The following TMEM163 variants were observed in gnomAD, a reference collection of about 807,000 sequenced individuals.
The protein encoded by TMEM163 is transmembrane protein 163.
Under a neutral mutation model 29.3 loss-of-function variants are expected in TMEM163, and 17 were observed. The ratio of observed to expected loss-of-function variants is 0.58; its 90% CI spans 0.40 to 0.87. The LOEUF (loss-of-function observed/expected upper bound fraction) is 0.87. Among genes scored for constraint, TMEM163 ranks in the 40% least tolerant of loss-of-function variants. TMEM163 has a pLI of 0.00. For synonymous variants in TMEM163, 157 were observed against 160.6 expected (o/e 0.98, Z 0.17); for missense variants, 303 against 381.5 (o/e 0.79, Z 1.71).
At chr2:134,673,398 T>G (rs1455653084) in intron 2 of TMEM163, among the ~76,000 whole-genome samples, 1 of 152,130 alleles carries the variant, frequency 6.6e-6, no homozygotes, top group Non-Finnish European at 1.5e-5. Context: ...TACAACCCCT[T>G]GAAATGCAGA....
At chr2:134,504,832 C>A (rs1176072189) in intron 4 of TMEM163, among the ~76,000 whole-genome samples, 1 of 152,178 alleles carries the variant, frequency 6.6e-6, no homozygotes, top group Admixed American at 6.5e-5. Context: ...GAATCAGGGA[C>A]AGAGGGGGCC....
chr2:134,708,876 C>G (rs1292084086), intron 2 of TMEM163, among the ~76,000 whole-genome samples: 1 of 152,208 alleles, frequency 6.6e-6, no homozygotes, highest in Non-Finnish European at 1.5e-5. Context: ...CATGAGCCAT[C>G]GCTCCCAGCC....
chr2:134,500,468 AG>A (rs1476954718), intron 5 of TMEM163, among the ~76,000 whole-genome samples: 1 of 152,218 alleles, frequency 6.6e-6, no homozygotes, highest in African/African-American at 2.4e-5. Context: ...AAAGCTCCTT[AG>A]TTAACAACTC....
intron 4 of TMEM163, among the ~76,000 whole-genome samples, chr2:134,543,928 G>A (rs1481554168): frequency 6.6e-6 from 1 of 152,150 alleles, no homozygotes; most frequent in African/African-American, 2.4e-5. Flanking sequence ...CATTGGAACA[G>A]GAGAACCACC....
intron 2 of TMEM163, among the ~76,000 whole-genome samples, chr2:134,680,529 T>A (rs944211419): frequency 1.3e-5 from 2 of 152,208 alleles, no homozygotes; most frequent in Non-Finnish European, 2.9e-5. Flanking sequence ...AATCTTTCAC[T>A]TTCTTATTAA....
intron 2 of TMEM163, among the ~76,000 whole-genome samples, chr2:134,591,775 A>ATGCCATCACT (rs1249825402): frequency 2.0e-5 from 3 of 152,192 alleles, no homozygotes; most frequent in Admixed American, 2.0e-4. Flanking sequence ...CACCCGTCAA[A>ATGCCATCACT]TGCCATCACT....
intron 2 of TMEM163, among the ~76,000 whole-genome samples, chr2:134,580,228 G>A (rs1002749665): frequency 7.9e-5 from 12 of 152,174 alleles, no homozygotes; most frequent in African/African-American, 2.7e-4. Context: ...GGGAAACAAA[G>A]GTGAAGAGAG....
intron 2 of TMEM163, among the ~76,000 whole-genome samples, chr2:134,693,469 C>A (rs1170982127): frequency 6.6e-6 from 1 of 151,898 alleles, no homozygotes; most frequent in East Asian, 1.9e-4. Flanking sequence ...ATTAGCCGGG[C>A]ATGGAAGCAT....
At chr2:134,711,040 A>C (rs889464343) in intron 2 of TMEM163, among the ~76,000 whole-genome samples, 2 of 152,088 alleles carry the variant, frequency 1.3e-5, no homozygotes, top group African/African-American at 4.8e-5. Context: ...CTTTACAAAA[A>C]CCTTTATTGC....
intron 2 of TMEM163, among the ~76,000 whole-genome samples, chr2:134,612,861 CAT>C (rs1477796201): frequency 1.3e-5 from 2 of 152,036 alleles, no homozygotes; most frequent in African/African-American, 2.4e-5. Flanking sequence ...AAAAGTATGA[CAT>C]GTGAAGAAAT....
intron 2 of TMEM163, among the ~76,000 whole-genome samples, chr2:134,614,854 TA>T (rs567150152): frequency 1.3e-3 from 184 of 139,384 alleles, no homozygotes; most frequent in Non-Finnish European, 1.8e-3. Flanking sequence ...AGACTTCATC[TA>T]AAAAAAAAAA....
intron 2 of TMEM163, among the ~76,000 whole-genome samples, chr2:134,616,827 T>C (rs116831121): frequency 0.016 from 2,462 of 152,228 alleles, 55 homozygotes; most frequent in African/African-American, 0.056. Flanking sequence ...TTCTTATGAA[T>C]TTACAAATAT....
chr2:134,589,619 A>G (rs767195257), intron 2 of TMEM163, among the ~76,000 whole-genome samples: 1 of 152,186 alleles, frequency 6.6e-6, no homozygotes, highest in Non-Finnish European at 1.5e-5. Context: ...AGTTCTGGGA[A>G]TTGCTCTCCC....
At chr2:134,669,537 T>C (rs1164595282) in intron 2 of TMEM163, among the ~76,000 whole-genome samples, 7 of 152,256 alleles carry the variant, frequency 4.6e-5, no homozygotes, top group Non-Finnish European at 1.5e-5. Flanking sequence ...ATTGTTTTTC[T>C]GAAGATGGCT....
chr2:134,495,608 C>T (rs1394143821), intron 5 of TMEM163, among the ~76,000 whole-genome samples: 1 of 152,164 alleles, frequency 6.6e-6, no homozygotes. Context: ...TGGGGGCTTC[C>T]AAATCGTTAC....
intron 2 of TMEM163, among the ~76,000 whole-genome samples, chr2:134,658,142 A>G (rs185218640): frequency 2.6e-5 from 4 of 152,336 alleles, no homozygotes; most frequent in Admixed American, 6.5e-5. Flanking sequence ...GCGGATTCCT[A>G]TAGACTTCAG....
intron 4 of TMEM163, 96 bp downstream of exon 4, chr2:134,550,474 G>T: frequency 1.7e-6 from 2 of 1,195,818 alleles, no homozygotes; most frequent in Non-Finnish European, 2.4e-6. Flanking sequence ...TCATCACTGG[G>T]ACAAAAGCTG....
chr2:134,467,231 A>C (rs1686689159), intron 5 of TMEM163: 1 of 152,160 alleles, frequency 6.6e-6, no homozygotes, highest in Non-Finnish European at 1.5e-5. Flanking sequence ...TATGTTCACA[A>C]ATTCTTTGCT....
intron 2 of TMEM163, among the ~76,000 whole-genome samples, chr2:134,573,546 G>C (rs970787332): frequency 5.3e-5 from 8 of 152,124 alleles, no homozygotes; most frequent in African/African-American, 1.9e-4. Flanking sequence ...CCACAGCAAA[G>C]AATCAGGGCC....
Sources: gnomAD v4.1 joint callset for allele counts (sites outside exome capture counted in the v4.1 genomes callset) on GRCh38, gnomAD v4.1.1 for gene constraint, MANE v1.5 for transcripts, NCBI Gene and HGNC (gene_info 2026-07-23, HGNC 2026-07-21) for gene names.